Variants in ASCC3 observed in about 807,000 individuals in gnomAD.
ASCC3 encodes activating signal cointegrator 1 complex subunit 3.
ASCC3 carries 158 observed loss-of-function variants against 256.3 expected under a neutral mutation model. The observed-to-expected ratio is 0.62, with a 90% CI of 0.54 to 0.70. ASCC3 has a LOEUF of 0.70. Ranked by LOEUF, ASCC3 falls within the 30% of genes least tolerant of loss-of-function variation. The pLI is 0.00. For missense variants in ASCC3, 2,259 were observed against 2,626.0 expected (o/e 0.86, Z 3.05); for synonymous variants, 948 against 883.4 (o/e 1.07, Z -1.30).
intron 20 of ASCC3, among the ~76,000 whole-genome samples, chr6:100,648,252 C>T (rs957817418): frequency 6.6e-6 from 1 of 152,128 alleles, no homozygotes; most frequent in Non-Finnish European, 1.5e-5. Flanking sequence ...CACATTTCTA[C>T]AGCTAGCTCC....
At chr6:100,848,063 C>A (rs1772467116) in intron 4 of ASCC3, 85 bp downstream of exon 4, 12 of 1,339,058 alleles carry the variant, frequency 9.0e-6, no homozygotes, top group Non-Finnish European at 1.2e-5. Flanking sequence ...AAAGAACTTT[C>A]TTTGCTAACC....
intron 34 of ASCC3, among the ~76,000 whole-genome samples, chr6:100,593,831 G>A (rs1004565271): frequency 2.6e-5 from 4 of 152,010 alleles, no homozygotes; most frequent in Non-Finnish European, 4.4e-5. Flanking sequence ...GGGGAAAACA[G>A]AGTAAAACTG....
chr6:100,526,304 C>T (rs956996043), intron 37 of ASCC3, among the ~76,000 whole-genome samples: 1 of 152,126 alleles, frequency 6.6e-6, no homozygotes, highest in African/African-American at 2.4e-5. Flanking sequence ...GTGAATTGAT[C>T]ACACAAATGG....
At chr6:100,782,117 G>A (rs60569953) in intron 8 of ASCC3, among the ~76,000 whole-genome samples, 4,305 of 152,178 alleles carry the variant, frequency 0.028, 79 homozygotes, top group Middle Eastern at 0.037. Context: ...TTGGGAGACT[G>A]TATAGTCCAA....
chr6:100,582,426 A>G (rs1771344465), intron 36 of ASCC3, among the ~76,000 whole-genome samples: 1 of 151,662 alleles, frequency 6.6e-6, no homozygotes, highest in Non-Finnish European at 1.5e-5. Context: ...TGATTTTTGT[A>G]CATTGATTTT....
intron 10 of ASCC3, among the ~76,000 whole-genome samples, chr6:100,765,462 CCTTGGTCTCCACATTCCTTT>C (rs1391419867): frequency 6.6e-6 from 1 of 152,140 alleles, no homozygotes; most frequent in South Asian, 2.1e-4. Flanking sequence ...CATGATAAAA[CCTTGGTCTCCACATTCCTTT>C]CTTTAGATAA....
chr6:100,877,395 G>A (rs1774053495), intron 1 of ASCC3, among the ~76,000 whole-genome samples: 1 of 152,044 alleles, frequency 6.6e-6, no homozygotes, highest in South Asian at 2.1e-4. Context: ...AAAATGAACA[G>A]TGAATAAATA....
rs1395890502 is a variant in ASCC3, at chr6:100,652,850, T to C, written c.2863A>G (p.Ile955Val). The C allele has an allele frequency of 6.2e-7, 1 of 1,613,866 alleles. No homozygotes were observed. Among genetic ancestry groups the C allele is most frequent in the Non-Finnish European group, 8.5e-7 (1 of 1,179,944 alleles). ...TTGTCTAGTTTTCGTCCAACTTCAA[T>C]GACCAACTGTTCTCGATGCTTTCTT... ...TLRKHREQLV[I>V]EVGRKLDKAQ... The change falls in exon 18 of 42, where the codon ATT becomes GTT. Residue 955 changes from isoleucine to valine, a missense_variant. Around this residue, in one of 2 missense-constraint regions of ASCC3, gnomAD observed 1,839 missense variants for 2,206.7 expected, o/e 0.83. Coordinates refer to ENST00000369162, the MANE Select transcript of ASCC3 (RefSeq NM_006828.4).
At chr6:100,842,164 C>A (rs1301772557) in intron 4 of ASCC3, among the ~76,000 whole-genome samples, 1 of 152,078 alleles carries the variant, frequency 6.6e-6, no homozygotes, top group African/African-American at 2.4e-5. Flanking sequence ...TTAAGGCTAC[C>A]AAAAACAATG....
chr6:100,786,426 G>A (rs901287878), intron 8 of ASCC3, among the ~76,000 whole-genome samples: 1 of 151,988 alleles, frequency 6.6e-6, no homozygotes, highest in Non-Finnish European at 1.5e-5. Flanking sequence ...TAATCAGTTT[G>A]GAAAGTTTAA....
chr6:100,617,268 A>G (rs1773715776), intron 30 of ASCC3, among the ~76,000 whole-genome samples: 1 of 152,024 alleles, frequency 6.6e-6, no homozygotes, highest in South Asian at 2.1e-4. Flanking sequence ...TCGGCCTCCC[A>G]AAGTGCTGGG....
intron 1 of ASCC3, among the ~76,000 whole-genome samples, chr6:100,880,355 A>T (rs1420802470): frequency 6.6e-6 from 1 of 152,206 alleles, no homozygotes; most frequent in African/African-American, 2.4e-5. Context: ...ATCTCACCTA[A>T]CCTAGGGAAA....
chr6:100,770,739 C>T (rs1010479332), intron 8 of ASCC3, among the ~76,000 whole-genome samples: 2 of 151,844 alleles, frequency 1.3e-5, no homozygotes, highest in Admixed American at 6.6e-5. Context: ...AAATAGCACT[C>T]TGTTATGAAT....
At chr6:100,712,731 T>C (rs1264843499) in intron 13 of ASCC3, among the ~76,000 whole-genome samples, 3 of 149,722 alleles carry the variant, frequency 2.0e-5, no homozygotes, top group South Asian at 4.2e-4. Context: ...ACTCCTACCA[T>C]ATGATCTAGC....
At chr6:100,571,003 A>C (rs949006729) in intron 36 of ASCC3, among the ~76,000 whole-genome samples, 1 of 152,132 alleles carries the variant, frequency 6.6e-6, no homozygotes, top group Non-Finnish European at 1.5e-5. Flanking sequence ...AAAAAGCTAG[A>C]ATGGTCTTTT....
chr6:100,704,997 G>A (rs1280052389), intron 13 of ASCC3, among the ~76,000 whole-genome samples: 1 of 151,962 alleles, frequency 6.6e-6, no homozygotes, highest in African/African-American at 2.4e-5. Flanking sequence ...CAGGAGGAGG[G>A]GAATTATTAG....
chr6:100,869,084 A>G (rs1035066430), intron 1 of ASCC3, among the ~76,000 whole-genome samples: 1 of 152,230 alleles, frequency 6.6e-6, no homozygotes, highest in Admixed American at 6.5e-5. Flanking sequence ...CATCCCAGCT[A>G]GGAATGATTT....
At chr6:100,852,710 TATAAAACTTAA>T (rs1772743774) in intron 3 of ASCC3, among the ~76,000 whole-genome samples, 1 of 152,180 alleles carries the variant, frequency 6.6e-6, no homozygotes, top group African/African-American at 2.4e-5. Flanking sequence ...TAAGACTTGA[TATAAAACTTAA>T]GAACTCCAAA....
chr6:100,699,579 A>C (rs1183295229), intron 13 of ASCC3, among the ~76,000 whole-genome samples: 1 of 152,114 alleles, frequency 6.6e-6, no homozygotes, highest in Non-Finnish European at 1.5e-5. Context: ...ATGTGCAATG[A>C]CTTTGGAACT....
Sources: allele counts gnomAD v4.1 joint callset (sites outside exome capture counted in the v4.1 genomes callset), GRCh38; gene constraint gnomAD v4.1.1; regional missense constraint gnomAD v4.1.1; transcripts MANE v1.5; gene names NCBI Gene and HGNC (gene_info 2026-07-23, HGNC 2026-07-21).